MACROD2: variants seen among roughly 807,000 people sequenced by gnomAD.
MACROD2 encodes mono-ADP ribosylhydrolase 2.
MACROD2 carries 36 observed loss-of-function variants against 70.4 expected under a neutral mutation model. The ratio of observed to expected loss-of-function variants is 0.51; its 90% CI spans 0.39 to 0.68. The LOEUF is 0.68. MACROD2 is among the 30% of genes least tolerant of loss of function. The pLI, the probability that MACROD2 is intolerant of heterozygous loss-of-function variation, is 0.00. For synonymous variants in MACROD2, 172 were observed against 178.8 expected, an observed-to-expected ratio of 0.96 and a Z score of 0.30; for missense variants, 496 against 538.4, an observed-to-expected ratio of 0.92 and a Z score of 0.78.
intron 6 of MACROD2, among the ~76,000 whole-genome samples, chr20:15,327,522 G>C (rs947479424): frequency 6.6e-6 from 1 of 152,070 alleles, no homozygotes; most frequent in Non-Finnish European, 1.5e-5. Flanking sequence ...TGGCAGCAAG[G>C]AGAAGTGCCA....
intron 7 of MACROD2, among the ~76,000 whole-genome samples, chr20:15,474,912 T>C (rs1049668927): frequency 6.6e-6 from 1 of 152,078 alleles, no homozygotes; most frequent in Non-Finnish European, 1.5e-5. Flanking sequence ...ATCACCGTTG[T>C]ACTCGGAGGC....
At chr20:15,860,088 T>A (rs1281421815) in intron 8 of MACROD2, among the ~76,000 whole-genome samples, 3 of 152,002 alleles carry the variant, frequency 2.0e-5, no homozygotes, top group African/African-American at 7.3e-5. Context: ...TGAGCTGAGA[T>A]CGCGCCACTG....
At chr20:15,853,938 G>A (rs1401455397) in intron 8 of MACROD2, among the ~76,000 whole-genome samples, 1 of 152,150 alleles carries the variant, frequency 6.6e-6, no homozygotes, top group Non-Finnish European at 1.5e-5. Flanking sequence ...ACTTGTTCAA[G>A]GTCACAGGTA....
At chr20:15,282,859 C>T (rs1232413630) in intron 6 of MACROD2, among the ~76,000 whole-genome samples, 2 of 152,134 alleles carry the variant, frequency 1.3e-5, no homozygotes, top group Non-Finnish European at 2.9e-5. Flanking sequence ...CTGTATCAGT[C>T]CTTTCTTATG....
At chr20:14,171,166 G>A (rs1256657509) in intron 3 of MACROD2, among the ~76,000 whole-genome samples, 1 of 151,808 alleles carries the variant, frequency 6.6e-6, no homozygotes, top group Non-Finnish European at 1.5e-5. Context: ...GACTTTTTTT[G>A]TATTTCTGTG....
intron 8 of MACROD2, among the ~76,000 whole-genome samples, chr20:15,596,344 G>C (rs1027866047): frequency 3.3e-5 from 5 of 152,150 alleles, no homozygotes; most frequent in Non-Finnish European, 5.9e-5. Flanking sequence ...TTATTTTGCA[G>C]ACTCTACTGG....
intron 15 of MACROD2, among the ~76,000 whole-genome samples, chr20:16,003,915 C>T (rs1745925): frequency 0.66 from 100,497 of 151,458 alleles, 33,516 homozygotes; most frequent in South Asian, 0.82. Context: ...CTGGTCTGCC[C>T]GCCTCGGCCT....
chr20:14,267,362 A>G (rs1601416018), intron 3 of MACROD2, among the ~76,000 whole-genome samples: 1 of 152,138 alleles, frequency 6.6e-6, no homozygotes, highest in African/African-American at 2.4e-5. Context: ...AACAAAATGT[A>G]GAGTTAACAA....
chr20:15,655,509 C>T (rs2049716737), intron 8 of MACROD2, among the ~76,000 whole-genome samples: 1 of 152,008 alleles, frequency 6.6e-6, no homozygotes, highest in South Asian at 2.1e-4. Flanking sequence ...TTCGGAATAA[C>T]TTTTGAAAAG....
At chr20:14,787,483 C>A (rs2072389283) in intron 5 of MACROD2, among the ~76,000 whole-genome samples, 1 of 151,996 alleles carries the variant, frequency 6.6e-6, no homozygotes, top group African/African-American at 2.4e-5. Flanking sequence ...TTGACAGGAC[C>A]AGGACAAGCA....
At chr20:14,824,660 A>C (rs2072882524) in intron 5 of MACROD2, among the ~76,000 whole-genome samples, 1 of 152,088 alleles carries the variant, frequency 6.6e-6, no homozygotes, top group Non-Finnish European at 1.5e-5. Context: ...CTTGGAGAAT[A>C]AGCATTCCAA....
chr20:14,288,962 G>A (rs1330188915), intron 3 of MACROD2, among the ~76,000 whole-genome samples: 3 of 152,190 alleles, frequency 2.0e-5, no homozygotes, highest in African/African-American at 7.2e-5. Flanking sequence ...GCTTGACAGA[G>A]ATGGCTCATG....
At chr20:15,591,079 T>A (rs965526169) in intron 8 of MACROD2, among the ~76,000 whole-genome samples, 3 of 152,280 alleles carry the variant, frequency 2.0e-5, no homozygotes, top group Non-Finnish European at 4.4e-5. Flanking sequence ...CTAATTTGTT[T>A]AGTTGAGACC....
intron 5 of MACROD2, among the ~76,000 whole-genome samples, chr20:14,692,034 T>C (rs904111646): frequency 5.3e-5 from 8 of 152,186 alleles, no homozygotes; most frequent in African/African-American, 1.9e-4. Context: ...ATCTCCTTAG[T>C]GATCCTCATG....
At chr20:14,713,941 A>G (rs1251900899) in intron 5 of MACROD2, among the ~76,000 whole-genome samples, 4 of 152,162 alleles carry the variant, frequency 2.6e-5, no homozygotes, top group African/African-American at 4.8e-5. Context: ...TTAGACAGGG[A>G]GAACAGAGGT....
intron 3 of MACROD2, among the ~76,000 whole-genome samples, chr20:14,187,623 A>G (rs6042573): frequency 5.4e-4 from 82 of 152,322 alleles, no homozygotes; most frequent in African/African-American, 1.8e-3. Flanking sequence ...TACAACTAAA[A>G]TTTTGTTAAA....
intron 5 of MACROD2, among the ~76,000 whole-genome samples, chr20:14,931,044 G>A (rs780678478): frequency 8.6e-5 from 13 of 151,858 alleles, no homozygotes; most frequent in Non-Finnish European, 1.9e-4. Flanking sequence ...CAAGTCCCAG[G>A]CACTACTGTA....
chr20:14,438,860 T>G (rs1351302304), intron 3 of MACROD2, among the ~76,000 whole-genome samples: 1 of 152,198 alleles, frequency 6.6e-6, no homozygotes, highest in Non-Finnish European at 1.5e-5. Flanking sequence ...ATTTGTAGGT[T>G]GTCTTTTTAT....
chr20:14,680,775 C>T (rs1180151103), intron 4 of MACROD2, among the ~76,000 whole-genome samples: 2 of 151,820 alleles, frequency 1.3e-5, no homozygotes, highest in East Asian at 3.9e-4. Flanking sequence ...TATGTCACAT[C>T]TGTTAAGGAA....
Sources: gnomAD v4.1 joint callset for allele counts (sites outside exome capture counted in the v4.1 genomes callset) on GRCh38, gnomAD v4.1.1 for gene constraint, MANE v1.5 for transcripts, NCBI Gene and HGNC (gene_info 2026-07-23, HGNC 2026-07-21) for gene names.